The following CTNNA1 variants were observed in gnomAD, a reference collection of about 807,000 sequenced individuals.
CTNNA1 encodes catenin alpha-1.
CTNNA1 carries 37 observed loss-of-function variants against 98.4 expected under a neutral mutation model. That is an observed-to-expected ratio of 0.38 (90% confidence interval 0.29 to 0.49). CTNNA1 has a LOEUF of 0.49. CTNNA1 is among the 20% of genes least tolerant of loss of function. The pLI, the probability that CTNNA1 is intolerant of heterozygous loss-of-function variation, is 0.95. For synonymous variants in CTNNA1, 404 were observed against 413.2 expected (o/e 0.98, Z 0.27); for missense variants, 761 against 1,147.2 (o/e 0.66, Z 4.86).
chr5:138,846,203 C>T (rs146226651), intron 7 of CTNNA1, among the ~76,000 whole-genome samples: 39 of 152,308 alleles, frequency 2.6e-4, no homozygotes, highest in African/African-American at 7.7e-4. Context: ...CCACCCTCCT[C>T]GGCCTCTCAA....
intron 1 of CTNNA1, among the ~76,000 whole-genome samples, chr5:138,768,492 CTCAAGCAA>C (rs1375895605): frequency 6.6e-6 from 1 of 151,580 alleles, no homozygotes; most frequent in Non-Finnish European, 1.5e-5. Flanking sequence ...AATTCCTAAC[CTCAAGCAA>C]TCCACCCACC....
At chr5:138,760,296 A>C (rs1752202926) in intron 1 of CTNNA1, among the ~76,000 whole-genome samples, 1 of 150,208 alleles carries the variant, frequency 6.7e-6, no homozygotes, top group African/African-American at 2.4e-5. Flanking sequence ...GCTCAGCCGG[A>C]TTTCTTTCCT....
chr5:138,804,981 C>T (rs1200461622), intron 3 of CTNNA1, among the ~76,000 whole-genome samples: 2 of 152,126 alleles, frequency 1.3e-5, no homozygotes, highest in Non-Finnish European at 2.9e-5. Flanking sequence ...TCTTCTCCTT[C>T]TGGGGTGGCC....
intron 3 of CTNNA1, among the ~76,000 whole-genome samples, chr5:138,805,109 T>A (rs1267717170): frequency 6.6e-6 from 1 of 152,140 alleles, no homozygotes. Flanking sequence ...CCAGATCTCA[T>A]GAGAACTCAT....
At chr5:138,913,677 C>T (rs1044888060) in intron 10 of CTNNA1, among the ~76,000 whole-genome samples, 3 of 151,658 alleles carry the variant, frequency 2.0e-5, no homozygotes, top group African/African-American at 7.3e-5. Context: ...ACAGTTTTTC[C>T]TATTATTTTC....
chr5:138,925,274 A>G lies in CTNNA1; in HGVS notation c.1766A>G (p.Glu589Gly). 1 of 1,614,000 alleles carries G rather than the reference A, an allele frequency of 6.2e-7. No homozygotes were observed. The highest frequency in any genetic ancestry group is 8.5e-7 in the Non-Finnish European group (1 of 1,180,014). The part of the protein sequence containing the change: ...LSNTVMPRFT[E>G]QVEAAVEALS... ...TCCACAGTCATGCCACGTTTTACTG[A>G]GCAAGTAGAAGCAGCCGTGGAAGCC... Residue 589 changes from glutamate (E) to glycine (G), a missense_variant, in exon 13 of 18, where the codon GAG (glutamate) becomes GGG (glycine). Transcript: ENST00000302763.
chr5:138,852,052 A>G (rs2149847637), intron 7 of CTNNA1, among the ~76,000 whole-genome samples: 1 of 152,330 alleles, frequency 6.6e-6, no homozygotes, highest in East Asian at 1.9e-4. Context: ...CCTGGGCAAC[A>G]AGAGCGAAGC....
chr5:138,907,164 G>C (rs913224531), intron 10 of CTNNA1, among the ~76,000 whole-genome samples: 1 of 152,126 alleles, frequency 6.6e-6, no homozygotes, highest in Non-Finnish European at 1.5e-5. Flanking sequence ...TGGAATTACA[G>C]GCATGTGCCA....
chr5:138,758,666 C>T (rs536324300), intron 1 of CTNNA1, among the ~76,000 whole-genome samples: 84 of 152,350 alleles, frequency 5.5e-4, no homozygotes, highest in African/African-American at 1.9e-3. Flanking sequence ...TGAGCCACCA[C>T]ACCCGGCTGA....
At chr5:138,804,148 G>T (rs1231297532) in intron 3 of CTNNA1, among the ~76,000 whole-genome samples, 1 of 152,192 alleles carries the variant, frequency 6.6e-6, no homozygotes, top group Non-Finnish European at 1.5e-5. Flanking sequence ...ACTCACAGCA[G>T]GTATTCTACA....
chr5:138,901,669 T>C (rs1315528538), intron 9 of CTNNA1, among the ~76,000 whole-genome samples: 1 of 152,208 alleles, frequency 6.6e-6, no homozygotes, highest in African/African-American at 2.4e-5. Context: ...CCTCAAGTGA[T>C]CCTCTTGCCT....
intron 8 of CTNNA1, among the ~76,000 whole-genome samples, chr5:138,886,998 T>C (rs570553131): frequency 6.6e-6 from 1 of 152,274 alleles, no homozygotes; most frequent in African/African-American, 2.4e-5. Flanking sequence ...CAATTTCCTT[T>C]TGGTGAAGCA....
At chr5:138,862,697 TGTG>T (rs1554091483) in intron 7 of CTNNA1, among the ~76,000 whole-genome samples, 2 of 152,202 alleles carry the variant, frequency 1.3e-5, no homozygotes, top group African/African-American at 2.4e-5. Flanking sequence ...GGTGAGATAA[TGTG>T]GTAAGTTTTA....
chr5:138,782,470 CTG>C lies in CTNNA1; in HGVS notation c.105+443_105+444del, dbSNP rs569905371. 222 of 304,432 alleles carry C rather than the reference CTG, an allele frequency of 7.3e-4. 3 individuals are homozygous for C. Among genetic ancestry groups the C allele is most frequent in the South Asian group, 6.0e-3 (220 of 36,468 alleles). The allele number at this position is 304,432 out of a possible 1,614,324, so 18.9% of individuals were successfully genotyped here. Reference sequence around the variant, plus strand: ...TCACAATGTTAGGGTAGTTCATAAACTGTTAGCAACTAGCTGTGTACTTTTAG... The same window carrying C: ...TCACAATGTTAGGGTAGTTCATAAACTTAGCAACTAGCTGTGTACTTTTAG... On this transcript the variant is annotated intron_variant, in intron 2 of 17. Coordinates refer to ENST00000302763, the MANE Select transcript of CTNNA1 (RefSeq NM_001903.5).
At chr5:138,864,350 C>G (rs1352337264) in intron 7 of CTNNA1, among the ~76,000 whole-genome samples, 1 of 152,130 alleles carries the variant, frequency 6.6e-6, no homozygotes, top group Non-Finnish European at 1.5e-5. Flanking sequence ...AGTTACAAAT[C>G]TTATTATGAC....
chr5:138,888,525 A>T (rs1032908890), intron 9 of CTNNA1, among the ~76,000 whole-genome samples: 3 of 152,074 alleles, frequency 2.0e-5, no homozygotes, highest in African/African-American at 7.2e-5. Flanking sequence ...ATTTATAGTG[A>T]TATTAGGCCA....
chr5:138,932,686 C>T lies in CTNNA1; in HGVS notation c.2407C>T (p.Leu803Phe), dbSNP rs2150349921. 6.2e-7 allele frequency: 1 copy of T among 1,614,144 alleles called. No individual in the cohort carries two copies. Among genetic ancestry groups the T allele is most frequent in the Non-Finnish European group, 8.5e-7 (1 of 1,180,020 alleles). ...CSKVKAEVQN[L>F]GGELVVSGVD... The stretch of plus-strand genomic sequence containing the variant: ...CAAGGTCAAGGCCGAGGTGCAGAAT[C>T]TCGGCGGGGAGCTTGTTGTCTCTGG... The change falls in exon 17 of 18, where the codon CTC (leucine) becomes TTC (phenylalanine). Residue 803 changes from leucine (L) to phenylalanine (F), a missense_variant. Physicochemically the swap from Leu to Phe is conservative, Grantham distance 22. This residue lies in a region of CTNNA1 where 12 missense variants were observed against 47.3 expected (regional missense o/e 0.25). Transcript: ENST00000302763.
At chr5:138,878,917 T>TA (rs1268585629) in intron 7 of CTNNA1, among the ~76,000 whole-genome samples, 8 of 152,088 alleles carry the variant, frequency 5.3e-5, no homozygotes, top group South Asian at 2.1e-4. Context: ...TCCCTGCTTT[T>TA]AAAAAAATGA....
chr5:138,873,376 T>G lies in CTNNA1; in HGVS notation c.1063-12836T>G. ...CTATGCCTGCAGTAGTTGGGATTTC[T>G]TTGTCTCCCACATGGTAACTTGATG... On this transcript the variant is annotated intron_variant, in intron 7 of 17. Coordinates refer to ENST00000302763, the MANE Select transcript of CTNNA1 (RefSeq NM_001903.5). The surrounding 1 kb of genome is among the most constrained non-coding windows in gnomAD (Gnocchi z 6.1). 1 of 1,614,080 alleles carries G rather than the reference T, an allele frequency of 6.2e-7. No individual in the cohort carries two copies. Among genetic ancestry groups the G allele is most frequent in the East Asian group, 2.2e-5 (1 of 44,896 alleles).
Sources: gnomAD v4.1 joint callset for allele counts (sites outside exome capture counted in the v4.1 genomes callset) on GRCh38, gnomAD v4.1.1 for gene constraint, gnomAD v4.1.1 regional missense constraint, Gnocchi (gnomAD v3.1) non-coding constraint, MANE v1.5 for transcripts, NCBI Gene and HGNC (gene_info 2026-07-23, HGNC 2026-07-21) for gene names.